MCMBP: variants seen among roughly 807,000 people sequenced by gnomAD.
The protein encoded by MCMBP is mini-chromosome maintenance complex-binding protein.
A neutral mutation model predicts 81.3 loss-of-function variants in MCMBP; 31 were observed. That is an observed-to-expected ratio of 0.38 (90% CI 0.29 to 0.51). The LOEUF (loss-of-function observed/expected upper bound fraction) is 0.51, where lower values mean the gene tolerates loss of function less well. Among genes scored for constraint, MCMBP ranks in the 20% least tolerant of loss-of-function variants. The pLI, the probability that MCMBP is intolerant of heterozygous loss-of-function variation, is 0.87. For missense variants in MCMBP, 645 were observed against 772.1 expected, an observed-to-expected ratio of 0.84 and a Z score of 1.95; for synonymous variants, 267 against 275.9, an observed-to-expected ratio of 0.97 and a Z score of 0.32.
At chr10:119,850,144 G>A (rs966817475) in intron 6 of MCMBP, among the ~76,000 whole-genome samples, 2 of 152,124 alleles carry the variant, frequency 1.3e-5, no homozygotes, top group Non-Finnish European at 2.9e-5. Flanking sequence ...GCCATACCAC[G>A]AAACACCACT....
chr10:119,847,584 G>A, intron 8 of MCMBP, 29 bp downstream of exon 8: 3 of 1,352,650 alleles, frequency 2.2e-6, no homozygotes, highest in Non-Finnish European at 1.0e-6. Context: ...AAAAATAAAG[G>A]AGACCAAAAA....
Position 119,849,595 on chromosome 10 carries a change from A to G in MCMBP, c.575-19T>C. ...ACACTCCCTAAATTCAAAGGATAGC[A>G]TTGCACTTAGTCATTTCTAAGGCCT... On this transcript the variant is annotated intron_variant, in intron 6 of 15. Coordinates refer to ENST00000369077, the MANE Select transcript of MCMBP (RefSeq NM_001256378.2). The G allele has an allele frequency of 1.3e-6, 2 of 1,547,028 alleles. No homozygotes were observed. Among genetic ancestry groups the G allele is most frequent in the Non-Finnish European group, 8.6e-7 (1 of 1,156,962 alleles).
At chr10:119,864,460 T>C (rs2134402383) in intron 1 of MCMBP, among the ~76,000 whole-genome samples, 1 of 152,310 alleles carries the variant, frequency 6.6e-6, no homozygotes, top group Non-Finnish European at 1.5e-5. Flanking sequence ...CTACGGTGGT[T>C]ATCTCCTCTT....
intron 14 of MCMBP, among the ~76,000 whole-genome samples, chr10:119,835,296 G>A (rs1852200718): frequency 6.6e-6 from 1 of 152,132 alleles, no homozygotes; most frequent in Non-Finnish European, 1.5e-5. Flanking sequence ...ATACTAACAT[G>A]TTAAGTTTAT....
In MCMBP at chr10:119,847,587, A is replaced by T. The variant is rs937853806; in HGVS notation, c.827+26T>A. Reference sequence around the variant, plus strand: ...TTGAAATTATATAAAAATAAAGGAGACCAAAAAAAGAGCACACAGACTCAC... The same window carrying T: ...TTGAAATTATATAAAAATAAAGGAGTCCAAAAAAAGAGCACACAGACTCAC... On this transcript the variant is annotated intron_variant, in intron 8 of 15. Transcript: ENST00000369077. 5 of 1,391,736 alleles carry T rather than the reference A, an allele frequency of 3.6e-6. No homozygotes were observed. In the African/African-American group the frequency reaches 5.8e-5, roughly 16 times the overall value. The allele number at this position is 1,391,736 out of a possible 1,614,324, so 86.2% of individuals were successfully genotyped here.
chr10:119,831,655 A>G, intron 15 of MCMBP, 55 bp from the exon 16 acceptor site: 1 of 1,587,362 alleles, frequency 6.3e-7, no homozygotes, highest in Non-Finnish European at 8.6e-7. Context: ...GTAAGTTTTA[A>G]ATTTTTTTTA....
intron 1 of MCMBP, among the ~76,000 whole-genome samples, chr10:119,864,283 G>C (rs1052498753): frequency 2.0e-5 from 3 of 152,208 alleles, no homozygotes; most frequent in Admixed American, 2.0e-4. Context: ...TCTGTCTCCA[G>C]GACTGTAAAT....
chr10:119,867,321 A>AAC (rs1853503991), intron 1 of MCMBP, among the ~76,000 whole-genome samples: 1 of 134,962 alleles, frequency 7.4e-6, no homozygotes, highest in African/African-American at 2.8e-5. Context: ...AAAAAAAAAA[A>AAC]GTGGTTACTT....
chr10:119,872,909 G>C (rs1853757274), upstream of MCMBP: 1 of 152,456 alleles, frequency 6.6e-6, no homozygotes, highest in African/African-American at 2.4e-5. Flanking sequence ...GGGGAGGGGC[G>C]GCGGGAGCGC....
rs573234223 is a variant in MCMBP at position 119,869,671 on chromosome 10, C to T, written c.58+2856G>A. Among the ~76,000 whole-genome samples the T allele has an allele frequency of 2.0e-5, 3 of 152,060 alleles. No homozygotes were observed. The South Asian group carries it at 6.2e-4, about 32-fold the overall frequency. Reference sequence around the variant, plus strand: ...GCTTGAACCTGGGAGGAGGAGGTTGCAGTGAGCCGAGATCACACTGTTGCA... The same window carrying T: ...GCTTGAACCTGGGAGGAGGAGGTTGTAGTGAGCCGAGATCACACTGTTGCA... On this transcript the variant is annotated intron_variant, in intron 1 of 15. Transcript: ENST00000369077.
intron 7 of MCMBP, among the ~76,000 whole-genome samples, chr10:119,847,960 A>G (rs1852675248): frequency 6.7e-6 from 1 of 149,662 alleles, no homozygotes; most frequent in Non-Finnish European, 1.5e-5. Context: ...CAGTACTACA[A>G]AAAAAAAAGG....
chr10:119,852,883 T>A (rs1191065171), intron 6 of MCMBP, among the ~76,000 whole-genome samples, 167 bp downstream of exon 6: 2 of 152,252 alleles, frequency 1.3e-5, no homozygotes, highest in African/African-American at 4.8e-5. Context: ...AATTGCTCAT[T>A]TGCGAAGCAC....
chr10:119,853,528 G>A (rs1208160170), intron 5 of MCMBP, among the ~76,000 whole-genome samples: 1 of 152,212 alleles, frequency 6.6e-6, no homozygotes, highest in East Asian at 1.9e-4. Context: ...TCCTGGAGAC[G>A]TTCTCCAAAC....
intron 1 of MCMBP, among the ~76,000 whole-genome samples, chr10:119,861,910 T>C (rs1853268157): frequency 6.6e-6 from 1 of 152,008 alleles, no homozygotes; most frequent in African/African-American, 2.4e-5. Context: ...CTGGCTAATT[T>C]TTAAATCTTT....
At chr10:119,856,234 CAAACAAACAAA>C (rs1441097414) in intron 5 of MCMBP, among the ~76,000 whole-genome samples, 4 of 152,046 alleles carry the variant, frequency 2.6e-5, no homozygotes, top group Admixed American at 1.3e-4. Context: ...AAAACAAAAA[CAAACAAACAAA>C]AAACAAACAA....
In MCMBP at chr10:119,870,205, T is replaced by C. The variant is rs184824702; in HGVS notation, c.58+2322A>G. 7.8e-4 allele frequency among the ~76,000 whole-genome samples: 119 copies of C among 152,268 alleles called. 1 individual carries two copies. The highest frequency in any genetic ancestry group is 2.6e-3 in the African/African-American group (108 of 41,552). On this transcript the variant is annotated intron_variant, in intron 1 of 15. Coordinates refer to ENST00000369077, the MANE Select transcript of MCMBP (RefSeq NM_001256378.2). The stretch of plus-strand genomic sequence containing the variant: ...GGCTCACGCCTGTAATCCCAGCACT[T>C]TGAGAGGCCGAGGCGGGCGGATCAC...
In MCMBP at chr10:119,870,827, A is replaced by C. The variant is rs1179705327; in HGVS notation, c.58+1700T>G. On this transcript the variant is annotated intron_variant, in intron 1 of 15. Coordinates refer to ENST00000369077, the MANE Select transcript of MCMBP (RefSeq NM_001256378.2). Reference sequence around the variant, plus strand: ...GACTTTTCTATAAGACACAACGTACACGGGAACAAGACATTCTGGGGAGAA... The same window carrying C: ...GACTTTTCTATAAGACACAACGTACCCGGGAACAAGACATTCTGGGGAGAA... 4.6e-5 allele frequency among the ~76,000 whole-genome samples: 7 copies of C among 152,344 alleles called. No individual in the cohort carries two copies. In the East Asian group the frequency reaches 1.3e-3, roughly 29 times the overall value.
chr10:119,849,601 C>A (rs1039539098), intron 6 of MCMBP, 25 bp from the exon 7 acceptor site: 1 of 1,535,766 alleles, frequency 6.5e-7, no homozygotes, highest in Non-Finnish European at 8.7e-7. Flanking sequence ...TAGCATTGCA[C>A]TTAGTCATTT....
At chr10:119,870,562 T>C (rs1564890582) in intron 1 of MCMBP, among the ~76,000 whole-genome samples, 1 of 152,236 alleles carries the variant, frequency 6.6e-6, no homozygotes, top group African/African-American at 2.4e-5. Context: ...AACCAGTGGT[T>C]ATCTTGAAGG....
Sources: allele counts gnomAD v4.1 joint callset (sites outside exome capture counted in the v4.1 genomes callset), GRCh38; gene constraint gnomAD v4.1.1; transcripts MANE v1.5; gene names NCBI Gene and HGNC (gene_info 2026-07-23, HGNC 2026-07-21).